The following DCC variants were observed in gnomAD, a reference collection of about 807,000 sequenced individuals.
The protein encoded by DCC is DCC netrin 1 receptor, also known as netrin receptor DCC.
In DCC, 58 loss-of-function variants were observed where a neutral mutation model predicts 172.5. The observed-to-expected ratio is 0.34, with a 90% CI of 0.27 to 0.42. DCC has a LOEUF of 0.42. Among genes scored for constraint, DCC ranks in the 10% least tolerant of loss-of-function variants. The probability of loss-of-function intolerance (pLI) is 1.00; values close to 1 mark genes in which losing one functional copy is unlikely to be tolerated. For synonymous variants in DCC, 709 were observed against 644.5 expected, an observed-to-expected ratio of 1.10 and a Z score of -1.52; for missense variants, 1,740 against 1,791.0, an observed-to-expected ratio of 0.97 and a Z score of 0.51.
At chr18:52,532,937 C>G (rs1253090880) in intron 1 of DCC, among the ~76,000 whole-genome samples, 1 of 152,116 alleles carries the variant, frequency 6.6e-6, no homozygotes, top group Non-Finnish European at 1.5e-5. Context: ...TATTAGTAGT[C>G]AGACTCATTC....
At chr18:53,332,411 C>T (rs2057539286) in intron 14 of DCC, among the ~76,000 whole-genome samples, 1 of 151,794 alleles carries the variant, frequency 6.6e-6, no homozygotes, top group African/African-American at 2.4e-5. Context: ...ACTGTAAAAA[C>T]TTGTGGTAGT....
rs376375347 is a variant in DCC at position 52,688,688 on chromosome 18, C to G, written c.92-63366C>G. Among the ~76,000 whole-genome samples, 8 of 152,060 alleles carry G rather than the reference C, an allele frequency of 5.3e-5. No homozygotes were observed. The East Asian group carries it at 7.7e-4, about 15-fold the overall frequency. The stretch of plus-strand genomic sequence containing the variant: ...GGTAACTGTATGAAATGATGGAGAT[C>G]TTCATTTGCTTCACTATAGTAATAT... On this transcript the variant is annotated intron_variant, in intron 1 of 28. Coordinates refer to ENST00000442544, the MANE Select transcript of DCC (RefSeq NM_005215.4).
chr18:52,628,228 T>A (rs898282161), intron 1 of DCC, among the ~76,000 whole-genome samples: 1 of 152,192 alleles, frequency 6.6e-6, no homozygotes, highest in African/African-American at 2.4e-5. Context: ...TCTTCAAAAC[T>A]GTTTGCCTTT....
rs35238619 is a variant in DCC at position 53,448,047 on chromosome 18, G to GTTTTTTTTTTTTTTTT, written c.3230-2445_3230-2430dup. Among the ~76,000 whole-genome samples, 4 of 113,754 alleles carry GTTTTTTTTTTTTTTTT rather than the reference G, an allele frequency of 3.5e-5. 1 individual carries two copies. The highest frequency in any genetic ancestry group is 1.3e-4 in the African/African-American group (4 of 29,750). 74.6% of individuals were successfully genotyped at this position (113,754 alleles called of 152,430 possible). ...CTATAATTTATTTAAATTTTGATGA[G>GTTTTTTTTTTTTTTTT]TTTTTTTTTTTTTTTTTTTTTTTAC... On this transcript the variant is annotated intron_variant, in intron 22 of 28. Coordinates refer to ENST00000442544, the MANE Select transcript of DCC (RefSeq NM_005215.4).
chr18:52,487,609 A>G (rs888217511), intron 1 of DCC, among the ~76,000 whole-genome samples: 5 of 151,962 alleles, frequency 3.3e-5, no homozygotes, highest in African/African-American at 1.2e-4. Flanking sequence ...TCAGGAGTTC[A>G]AGATTAGCCT....
At chr18:52,397,186 A>G (rs1378219946) in intron 1 of DCC, among the ~76,000 whole-genome samples, 1 of 151,584 alleles carries the variant, frequency 6.6e-6, no homozygotes, top group Non-Finnish European at 1.5e-5. Context: ...GGAGCATGTA[A>G]AACAGTGATT....
At chr18:53,177,072 C>T (rs995601334) in intron 8 of DCC, among the ~76,000 whole-genome samples, 13 of 151,726 alleles carry the variant, frequency 8.6e-5, no homozygotes, top group Middle Eastern at 3.4e-3. Context: ...AGTAAACTAT[C>T]GCAAGAACAA....
chr18:53,433,401 A>G (rs1911745343), intron 21 of DCC, among the ~76,000 whole-genome samples: 1 of 152,210 alleles, frequency 6.6e-6, no homozygotes, highest in South Asian at 2.1e-4. Flanking sequence ...GAGGAAAAGG[A>G]AAATCCTCCA....
Position 52,610,151 on chromosome 18 carries a change from TAAAAAAAAAAAAAAAAA to T in DCC, c.92-141891_92-141875del, listed in dbSNP as rs1171109968. ...CAACATGGCAAAACCCCATCTCTCA[TAAAAAAAAAAAAAAAAA>T]AAAAAAAAAAATATATATATATATA... On this transcript the variant is annotated intron_variant, in intron 1 of 28. Transcript: ENST00000442544. Among the ~76,000 whole-genome samples the T allele has an allele frequency of 9.6e-3, 183 of 19,038 alleles. 6 individuals carry two copies. Among genetic ancestry groups the T allele is most frequent in the Middle Eastern group, 0.05 (1 of 20 alleles). The allele number at this position is 19,038 out of a possible 152,430, so 12.5% of individuals were successfully genotyped here.
chr18:53,446,733 C>T (rs369294018), intron 22 of DCC, among the ~76,000 whole-genome samples: 1 of 152,270 alleles, frequency 6.6e-6, no homozygotes, highest in South Asian at 2.1e-4. Context: ...TTGCCCAGTG[C>T]TCATGTCACC....
At chr18:53,339,521 C>G (rs2057631381) in intron 14 of DCC, among the ~76,000 whole-genome samples, 192 bp from the exon 15 acceptor site, 1 of 152,114 alleles carries the variant, frequency 6.6e-6, no homozygotes, top group Non-Finnish European at 1.5e-5. Context: ...TTCTTGTATG[C>G]TTAAGAAATT....
At chr18:53,381,582 AC>A (rs1907744958) in intron 15 of DCC, among the ~76,000 whole-genome samples, 1 of 44,910 alleles carries the variant, frequency 2.2e-5, no homozygotes, top group African/African-American at 8.1e-5. Context: ...CCACCACCTT[AC>A]CACATCATAT....
chr18:52,358,999 A>C, intron 1 of DCC, among the ~76,000 whole-genome samples: 1 of 152,324 alleles, frequency 6.6e-6, no homozygotes, highest in South Asian at 2.1e-4. Context: ...ATCCTCCATG[A>C]CAACAATTCA....
At chr18:53,298,559 G>A (rs184389725) in intron 12 of DCC, among the ~76,000 whole-genome samples, 72 of 131,730 alleles carry the variant, frequency 5.5e-4, no homozygotes, top group African/African-American at 1.7e-3. Context: ...AAAAAAAAAG[G>A]CTTGCAGAAG....
At chr18:52,578,690 C>T (rs2144772586) in intron 1 of DCC, among the ~76,000 whole-genome samples, 1 of 152,294 alleles carries the variant, frequency 6.6e-6, no homozygotes, top group African/African-American at 2.4e-5. Context: ...AAGAAAATTA[C>T]TTAAAAGTGT....
intron 2 of DCC, among the ~76,000 whole-genome samples, chr18:52,836,786 C>T (rs551401691): frequency 6.6e-6 from 1 of 152,306 alleles, no homozygotes; most frequent in East Asian, 1.9e-4. Flanking sequence ...TGGTGGCCCT[C>T]TTCTCATGGT....
At chr18:52,859,345 AAAG>A (rs1305437260) in intron 2 of DCC, among the ~76,000 whole-genome samples, 1 of 152,158 alleles carries the variant, frequency 6.6e-6, no homozygotes, top group African/African-American at 2.4e-5. Context: ...CAACTGACAA[AAAG>A]AAGATTCATT....
chr18:52,378,403 C>T (rs566654923), intron 1 of DCC, among the ~76,000 whole-genome samples: 2 of 152,130 alleles, frequency 1.3e-5, no homozygotes, highest in African/African-American at 4.8e-5. Context: ...TCCAACGAGC[C>T]TTTGTTTAGC....
At chr18:52,720,016 T>A (rs573268233) in intron 1 of DCC, among the ~76,000 whole-genome samples, 3 of 152,050 alleles carry the variant, frequency 2.0e-5, no homozygotes, top group South Asian at 4.1e-4. Context: ...TATTTTAAGA[T>A]GACTCTCCTG....
Sources: gnomAD v4.1 joint callset for allele counts (sites outside exome capture counted in the v4.1 genomes callset) on GRCh38, gnomAD v4.1.1 for gene constraint, MANE v1.5 for transcripts, NCBI Gene and HGNC (gene_info 2026-07-23, HGNC 2026-07-21) for gene names.